Variants in LRRC17 observed in about 807,000 individuals in gnomAD.
LRRC17 encodes the protein leucine-rich repeat-containing protein 17.
A neutral mutation model predicts 41.5 loss-of-function variants in LRRC17; 33 were observed. The observed-to-expected ratio is 0.80, with a 90% CI of 0.60 to 1.06. The LOEUF (loss-of-function observed/expected upper bound fraction) is 1.06. Among genes scored for constraint, LRRC17 ranks in the 50% least tolerant of loss-of-function variants. LRRC17 has a pLI of 0.00. For synonymous variants in LRRC17, 192 were observed against 197.0 expected (o/e 0.97, Z 0.21); for missense variants, 491 against 519.3 (o/e 0.95, Z 0.53).
intron 1 of LRRC17, chr7:102,926,137 G>C (rs1818085939): frequency 3.0e-6 from 2 of 673,020 alleles, no homozygotes; most frequent in Non-Finnish European, 5.0e-6. Flanking sequence ...GAAAGCAGCA[G>C]ACCCCTTATC....
chr7:102,940,138 C>A (rs1821110176), intron 3 of LRRC17, among the ~76,000 whole-genome samples: 1 of 152,026 alleles, frequency 6.6e-6, no homozygotes. Flanking sequence ...AGGTGATCCG[C>A]CCACCTTGGC....
chr7:102,930,729 T>C (rs1819012484), intron 1 of LRRC17, among the ~76,000 whole-genome samples: 1 of 152,202 alleles, frequency 6.6e-6, no homozygotes, highest in South Asian at 2.1e-4. Context: ...TCCGTAAGGC[T>C]CAACTTTAAG....
intron 1 of LRRC17, 148 bp downstream of exon 1, chr7:102,913,293 A>T: frequency 6.4e-7 from 1 of 1,563,188 alleles, no homozygotes; most frequent in Non-Finnish European, 8.7e-7. Context: ...ACTATGACAA[A>T]GAAAACTGTA....
At chr7:102,936,773 C>A (rs1290884374) in intron 2 of LRRC17, among the ~76,000 whole-genome samples, 1 of 152,246 alleles carries the variant, frequency 6.6e-6, no homozygotes, top group East Asian at 1.9e-4. Context: ...GAGAAAAATA[C>A]CATCTATACA....
intron 2 of LRRC17, among the ~76,000 whole-genome samples, chr7:102,939,187 A>T (rs1307377973): frequency 6.6e-6 from 1 of 152,210 alleles, no homozygotes; most frequent in African/African-American, 2.4e-5. Context: ...TAATGGCTTT[A>T]TAGGGCCTTA....
At chr7:102,935,242 C>CTTTTTTTT (rs71106700) in intron 2 of LRRC17, among the ~76,000 whole-genome samples, 11 of 76,400 alleles carry the variant, frequency 1.4e-4, no homozygotes, top group East Asian at 4.1e-4. Flanking sequence ...TTTTTTCTTT[C>CTTTTTTTT]TTTTTTTTTT....
intron 1 of LRRC17, among the ~76,000 whole-genome samples, chr7:102,914,080 A>G (rs1417962559): frequency 6.6e-6 from 1 of 152,110 alleles, no homozygotes; most frequent in Admixed American, 6.5e-5. Flanking sequence ...CTTTTTTTTG[A>G]GACGAAGTTT....
intron 1 of LRRC17, among the ~76,000 whole-genome samples, chr7:102,914,851 G>A (rs569627681): frequency 1.3e-5 from 2 of 152,154 alleles, no homozygotes; most frequent in African/African-American, 2.4e-5. Context: ...TTGGAAATGC[G>A]TTATCTTCCT....
intron 1 of LRRC17, among the ~76,000 whole-genome samples, chr7:102,923,113 GT>G (rs1453270563): frequency 6.6e-6 from 1 of 152,198 alleles, no homozygotes; most frequent in African/African-American, 2.4e-5. Flanking sequence ...AAATCTGCTT[GT>G]CAATGATGTG....
chr7:102,931,573 ATCATG>A (rs891339963), intron 1 of LRRC17, among the ~76,000 whole-genome samples: 2 of 152,172 alleles, frequency 1.3e-5, no homozygotes, highest in Admixed American at 1.3e-4. Context: ...AAATGAGCCT[ATCATG>A]TCTACTGGGG....
chr7:102,918,091 A>G (rs989571765), intron 1 of LRRC17, among the ~76,000 whole-genome samples: 5 of 152,216 alleles, frequency 3.3e-5, no homozygotes, highest in Non-Finnish European at 2.9e-5. Context: ...ATGAAGAGAG[A>G]ATGACAGCAG....
intron 1 of LRRC17, among the ~76,000 whole-genome samples, chr7:102,922,773 C>T (rs578140470): frequency 1.3e-5 from 2 of 151,978 alleles, no homozygotes; most frequent in Non-Finnish European, 2.9e-5. Context: ...GAGATCGAGA[C>T]CATCCTGGCT....
intron 1 of LRRC17, among the ~76,000 whole-genome samples, chr7:102,922,281 A>G (rs973124050): frequency 2.0e-5 from 3 of 152,066 alleles, no homozygotes. Flanking sequence ...GAAAGTTAAA[A>G]CAATACTTAT....
At chr7:102,941,299 C>A (rs748335039) in intron 3 of LRRC17, among the ~76,000 whole-genome samples, 21 of 152,126 alleles carry the variant, frequency 1.4e-4, no homozygotes, top group Non-Finnish European at 2.4e-4. Flanking sequence ...GTCATGTCCA[C>A]AAAGCCAGGG....
intron 1 of LRRC17, among the ~76,000 whole-genome samples, chr7:102,932,827 T>C (rs1321265896): frequency 6.6e-6 from 1 of 152,134 alleles, no homozygotes; most frequent in South Asian, 2.1e-4. Context: ...CAGACTGGTC[T>C]CAAGAGATCT....
chr7:102,926,175 G>T (rs189590095), intron 1 of LRRC17: 3 of 920,400 alleles, frequency 3.3e-6, no homozygotes, highest in East Asian at 2.7e-5. Context: ...GTGGTGGGGT[G>T]TTGATAAAGG....
intron 1 of LRRC17, among the ~76,000 whole-genome samples, chr7:102,921,703 AAAG>A (rs1817069879): frequency 6.6e-6 from 1 of 152,108 alleles, no homozygotes; most frequent in Non-Finnish European, 1.5e-5. Flanking sequence ...ATAAAAAATA[AAAG>A]AAGCTCTGTT....
intron 3 of LRRC17, 104 bp from the exon 4 acceptor site, chr7:102,944,105 AG>A: frequency 1.2e-6 from 1 of 865,998 alleles, no homozygotes; most frequent in Non-Finnish European, 1.7e-6. Flanking sequence ...TTATTTTCAA[AG>A]GGGAAAATTA....
Position 102,944,395 on chromosome 7 carries a change from C to G in LRRC17, c.1114C>G (p.His372Asp). The change falls in exon 4 of 4, where the codon CAT becomes GAT. Residue 372 changes from histidine to aspartate, a missense_variant. Coordinates refer to ENST00000339431, the MANE Select transcript of LRRC17 (RefSeq NM_001031692.3). The part of the protein sequence containing the change: ...YYWLKHHYNV[H>D]FNGLECKTPE... ...CTGGTTAAAGCACCACTACAATGTC[C>G]ATTTTAATGGCCTGGAATGCAAAAC... 1 of 1,614,012 alleles carries G rather than the reference C, an allele frequency of 6.2e-7. No individual in the cohort carries two copies. Among genetic ancestry groups the G allele is most frequent in the Non-Finnish European group, 8.5e-7 (1 of 1,179,942 alleles).
Sources: allele counts gnomAD v4.1 joint callset (sites outside exome capture counted in the v4.1 genomes callset), GRCh38; gene constraint gnomAD v4.1.1; transcripts MANE v1.5; gene names NCBI Gene and HGNC (gene_info 2026-07-23, HGNC 2026-07-21).